Variants in APAF1 observed in about 807,000 individuals in gnomAD.
APAF1 encodes apoptotic protease-activating factor 1.
APAF1 carries 91 observed loss-of-function variants against 152.4 expected under a neutral mutation model. The observed-to-expected ratio is 0.60, with a 90% CI of 0.50 to 0.71. The LOEUF is 0.71. Ranked by LOEUF, APAF1 falls within the 30% of genes least tolerant of loss-of-function variation. The probability of loss-of-function intolerance (pLI) is 0.00; values close to 1 mark genes in which losing one functional copy is unlikely to be tolerated. For missense variants in APAF1, 1,283 were observed against 1,472.0 expected (o/e 0.87, Z 2.10); for synonymous variants, 484 against 494.1 (o/e 0.98, Z 0.27).
At chr12:98,686,725 A>T (rs765765979) in intron 15 of APAF1, 23 bp from the exon 16 acceptor site, 1 of 1,609,064 alleles carries the variant, frequency 6.2e-7, no homozygotes, top group African/African-American at 1.3e-5. Flanking sequence ...TTGTTTATTT[A>T]TCTTTTTTTC....
At position 98,677,834 on chromosome 12, in the gene APAF1, A is replaced by G. The variant is rs536419064; in HGVS notation, c.1920+283A>G. 1.5e-3 allele frequency among the ~76,000 whole-genome samples: 232 copies of G among 152,356 alleles called. 1 individual carries two copies. Among genetic ancestry groups the G allele is most frequent in the Non-Finnish European group, 2.9e-3 (199 of 68,040 alleles). On this transcript the variant is annotated intron_variant, in intron 13 of 26. Transcript: ENST00000551964. Reference sequence around the variant, plus strand: ...TAAGGGTAGTGAGGAAATAATTGTTAGAAGACGTAGGGCTTCATAGCACAG... The same window carrying G: ...TAAGGGTAGTGAGGAAATAATTGTTGGAAGACGTAGGGCTTCATAGCACAG...
At chr12:98,665,454 A>G (rs2097671481) in intron 7 of APAF1, 99 bp from the exon 8 acceptor site, 1 of 843,448 alleles carries the variant, frequency 1.2e-6, no homozygotes, top group Non-Finnish European at 2.0e-6. Flanking sequence ...GATAACATGC[A>G]GCAGAAATTG....
chr12:98,662,739 C>T lies in APAF1; in HGVS notation c.888C>T (p.Ser296=). 1 of 1,612,308 alleles carries T rather than the reference C, an allele frequency of 6.2e-7. No homozygotes were observed. The change falls in exon 7 of 27, where the codon TCC becomes TCT. Residue 296 remains serine, a synonymous_variant. Coordinates refer to ENST00000551964, the MANE Select transcript of APAF1 (RefSeq NM_181861.2). The part of the protein sequence containing the change: ...LGKEKGLEIL[S]LFVNMKKADL... ...AGGAAAAAGGACTTGAAATTTTATC[C>T]CTTTTTGTTAATATGAAGAAGGCAG... is the stretch of plus-strand genomic sequence containing the variant.
chr12:98,679,534 G>A (rs2097690127), intron 13 of APAF1, among the ~76,000 whole-genome samples: 1 of 152,256 alleles, frequency 6.6e-6, no homozygotes, highest in South Asian at 2.1e-4. Flanking sequence ...TAAAAGAGCT[G>A]TAACACAAAC....
At chr12:98,649,707 T>C (rs1269464226) in intron 4 of APAF1, 23 bp downstream of exon 4, 1 of 1,602,452 alleles carries the variant, frequency 6.2e-7, no homozygotes, top group Non-Finnish European at 8.5e-7. Flanking sequence ...GTCCATTTCA[T>C]AGTCTAGTAA....
chr12:98,729,026 TG>T (rs2097755899), intron 26 of APAF1, among the ~76,000 whole-genome samples: 1 of 152,164 alleles, frequency 6.6e-6, no homozygotes, highest in African/African-American at 2.4e-5. Flanking sequence ...TTACAGTCTA[TG>T]GGGGAAGCAG....
At chr12:98,731,899 T>G (rs2097762356) in intron 26 of APAF1, among the ~76,000 whole-genome samples, 1 of 152,204 alleles carries the variant, frequency 6.6e-6, no homozygotes, top group Non-Finnish European at 1.5e-5. Flanking sequence ...ATAATATAGA[T>G]TATTTTATAA....
rs2097764368 is a variant in APAF1, at chr12:98,732,927, ACT to A, written c.*362_*363del. On this transcript the variant is annotated 3_prime_UTR_variant, in exon 27 of 27. Transcript: ENST00000551964. ...TATTTTAATACTGTCTGTATTTATTACTGTTATGCAGGCTGTGCCTCAGGGTA... is the reference window on the plus strand; with the variant it reads ...TATTTTAATACTGTCTGTATTTATTAGTTATGCAGGCTGTGCCTCAGGGTA... The A allele has an allele frequency of 3.7e-6, 1 of 269,320 alleles. No individual in the cohort carries two copies. Among genetic ancestry groups the A allele is most frequent in the Admixed American group, 5.2e-5 (1 of 19,210 alleles). The allele number at this position is 269,320 out of a possible 1,614,324, so 16.7% of individuals were successfully genotyped here. A position where few individuals can be genotyped will look rare whatever the true frequency, so the allele number is the denominator to read the frequency against.
chr12:98,682,454 T>A (rs375126374), intron 14 of APAF1, among the ~76,000 whole-genome samples: 5 of 152,356 alleles, frequency 3.3e-5, no homozygotes, highest in East Asian at 1.9e-4. Context: ...CTTGCAGGGT[T>A]AAGTGTCGAT....
At chr12:98,667,455 T>A in intron 9 of APAF1, 58 bp from the exon 10 acceptor site, 1 of 1,595,618 alleles carries the variant, frequency 6.3e-7, no homozygotes, top group African/African-American at 1.3e-5. Flanking sequence ...CTGAAGTTAC[T>A]GTGATGCTTA....
chr12:98,684,081 C>T (rs1281663370), intron 15 of APAF1, among the ~76,000 whole-genome samples: 3 of 151,952 alleles, frequency 2.0e-5, no homozygotes, highest in African/African-American at 7.3e-5. Context: ...ACCATCTTTG[C>T]AATTGAACAT....
At chr12:98,698,681 C>T (rs1485327148) in intron 16 of APAF1, among the ~76,000 whole-genome samples, 1 of 152,172 alleles carries the variant, frequency 6.6e-6, no homozygotes, top group African/African-American at 2.4e-5. Context: ...TCCCCCAACC[C>T]CCATCCTTCT....
rs573599549 is a variant in APAF1, at chr12:98,717,803, T to C, written c.3084+2251T>C. Among the ~76,000 whole-genome samples, 23 of 152,336 alleles carry C rather than the reference T, an allele frequency of 1.5e-4. No individual in the cohort carries two copies. The South Asian group carries it at 4.6e-3, about 30-fold the overall frequency. On this transcript the variant is annotated intron_variant, in intron 22 of 26. Coordinates refer to ENST00000551964, the MANE Select transcript of APAF1 (RefSeq NM_181861.2). The stretch of plus-strand genomic sequence containing the variant: ...AGGCCTCCTTAGCTCTCAGTGGTCA[T>C]TGGCTATCAGAGATCTGTACTGAAC...
intron 13 of APAF1, 108 bp downstream of exon 13, chr12:98,677,659 CA>C: frequency 8.0e-7 from 1 of 1,243,292 alleles, no homozygotes; most frequent in Non-Finnish European, 1.2e-6. Flanking sequence ...TTAGAAATAA[CA>C]GAGGAATCCA....
chr12:98,702,839 C>T (rs1250922452), intron 17 of APAF1, among the ~76,000 whole-genome samples: 1 of 129,710 alleles, frequency 7.7e-6, no homozygotes, highest in Non-Finnish European at 1.6e-5. Context: ...AGAAGTCTGT[C>T]TCAAAAAAAA....
intron 16 of APAF1, among the ~76,000 whole-genome samples, chr12:98,688,470 C>CTTT (rs66619012): frequency 3.1e-5 from 3 of 97,316 alleles, no homozygotes; most frequent in Admixed American, 1.1e-4. Context: ...TGTTTTCTTT[C>CTTT]TTTTTTTTTT....
intron 12 of APAF1, among the ~76,000 whole-genome samples, chr12:98,674,247 T>A (rs1027495783): frequency 1.3e-5 from 2 of 152,162 alleles, no homozygotes; most frequent in Non-Finnish European, 2.9e-5. Flanking sequence ...CTTCCTTGAC[T>A]TCCCAAAGTT....
In APAF1 at chr12:98,703,273, TA is replaced by T. The variant is rs1364019083; in HGVS notation, c.2467-97del. On this transcript the variant is annotated intron_variant, in intron 17 of 26. Coordinates refer to ENST00000551964, the MANE Select transcript of APAF1 (RefSeq NM_181861.2). ...TTATGCCAGTTATCAGTAATTGTCA[TA>T]TTTTTTTCAGGACTTATATTTGAAA... is the stretch of plus-strand genomic sequence containing the variant. 9.2e-5 allele frequency: 125 copies of T among 1,352,008 alleles called. No individual in the cohort carries two copies. In the African/African-American group the frequency reaches 1.6e-3, roughly 17 times the overall value. 83.8% of individuals were successfully genotyped at this position (1,352,008 alleles called of 1,614,324 possible).
chr12:98,686,911 A>G, intron 16 of APAF1, 38 bp downstream of exon 16: 2 of 1,600,350 alleles, frequency 1.2e-6, no homozygotes, highest in Non-Finnish European at 1.7e-6. Flanking sequence ...GTTGTATTTT[A>G]TGGAAAGTCT....
Sources: allele counts gnomAD v4.1 joint callset (sites outside exome capture counted in the v4.1 genomes callset), GRCh38; gene constraint gnomAD v4.1.1; transcripts MANE v1.5; gene names NCBI Gene and HGNC (gene_info 2026-07-23, HGNC 2026-07-21).